CDKAL1: variants seen among roughly 807,000 people sequenced by gnomAD.
CDKAL1 encodes threonylcarbamoyladenosine tRNA methylthiotransferase.
A neutral mutation model predicts 68.2 loss-of-function variants in CDKAL1; 32 were observed. The observed-to-expected ratio is 0.47, with a 90% CI of 0.35 to 0.63. The LOEUF (loss-of-function observed/expected upper bound fraction) is 0.63, where lower values mean the gene tolerates loss of function less well. Among genes scored for constraint, CDKAL1 ranks in the 30% least tolerant of loss-of-function variants. The probability of loss-of-function intolerance (pLI) is 0.00; values close to 1 mark genes in which losing one functional copy is unlikely to be tolerated. For synonymous variants in CDKAL1, 234 were observed against 244.3 expected (o/e 0.96, Z 0.39); for missense variants, 606 against 696.7 (o/e 0.87, Z 1.47).
intron 9 of CDKAL1, among the ~76,000 whole-genome samples, chr6:20,924,992 G>A (rs951219677): frequency 1.3e-4 from 20 of 152,202 alleles, no homozygotes; most frequent in Admixed American, 5.2e-4. Context: ...TTGAAAAGCA[G>A]TTCTGTTGTG....
chr6:21,145,859 C>A (rs1776141503), intron 13 of CDKAL1, among the ~76,000 whole-genome samples: 1 of 152,170 alleles, frequency 6.6e-6, no homozygotes, highest in Non-Finnish European at 1.5e-5. Context: ...ATGATCACGC[C>A]ACTGCATTCA....
At chr6:20,802,262 C>A (rs1000208374) in intron 8 of CDKAL1, among the ~76,000 whole-genome samples, 4 of 151,470 alleles carry the variant, frequency 2.6e-5, no homozygotes, top group Admixed American at 1.3e-4. Context: ...TGCGCCGCTG[C>A]ACTCCAGCCT....
At position 21,058,157 on chromosome 6, in the gene CDKAL1, G is replaced by A. The variant is rs958897576; in HGVS notation, c.1056-6891G>A. Among the ~76,000 whole-genome samples, 4 of 152,160 alleles carry A rather than the reference G, an allele frequency of 2.6e-5. No homozygotes were observed. In the South Asian group the frequency reaches 6.2e-4, roughly 24 times the overall value. Reference sequence around the variant, plus strand: ...ATTGGGTGGGAGTCTAAGTCTCTTTGTAGGTCTCTAAGAACTTGTTTTATG... The same window carrying A: ...ATTGGGTGGGAGTCTAAGTCTCTTTATAGGTCTCTAAGAACTTGTTTTATG... On this transcript the variant is annotated intron_variant, in intron 11 of 15. Coordinates refer to ENST00000274695, the MANE Select transcript of CDKAL1 (RefSeq NM_017774.3).
chr6:20,578,148 T>C (rs896191823), intron 4 of CDKAL1, among the ~76,000 whole-genome samples: 3 of 152,218 alleles, frequency 2.0e-5, no homozygotes, highest in East Asian at 1.9e-4. Context: ...AAAAAATCGA[T>C]ACTGATGCAT....
intron 11 of CDKAL1, among the ~76,000 whole-genome samples, chr6:21,028,320 T>G (rs1230127733): frequency 6.6e-6 from 1 of 152,192 alleles, no homozygotes; most frequent in Non-Finnish European, 1.5e-5. Context: ...CTTGACAACA[T>G]TCAGCTAGTG....
At chr6:20,664,240 G>T (rs1769422622) in intron 5 of CDKAL1, among the ~76,000 whole-genome samples, 1 of 152,122 alleles carries the variant, frequency 6.6e-6, no homozygotes, top group African/African-American at 2.4e-5. Context: ...GTGCATGTGT[G>T]CTCGCACGCT....
chr6:21,009,359 C>T (rs1037605092), intron 11 of CDKAL1, among the ~76,000 whole-genome samples: 1 of 152,176 alleles, frequency 6.6e-6, no homozygotes, highest in Non-Finnish European at 1.5e-5. Context: ...ATGCCATCTC[C>T]TGGACATTTA....
At chr6:20,761,098 G>T (rs925206811) in intron 7 of CDKAL1, among the ~76,000 whole-genome samples, 1 of 152,120 alleles carries the variant, frequency 6.6e-6, no homozygotes, top group South Asian at 2.1e-4. Context: ...ATGGGCAAAA[G>T]ACCTGAACAG....
intron 11 of CDKAL1, among the ~76,000 whole-genome samples, chr6:21,049,540 AT>A (rs1165030896): frequency 6.6e-6 from 1 of 152,206 alleles, no homozygotes; most frequent in Middle Eastern, 3.2e-3. Flanking sequence ...CTATAACAAT[AT>A]TATCCAGTAT....
chr6:20,820,508 C>A (rs972791995), intron 8 of CDKAL1, among the ~76,000 whole-genome samples: 1 of 152,116 alleles, frequency 6.6e-6, no homozygotes, highest in Non-Finnish European at 1.5e-5. Context: ...GGTTGGAATT[C>A]TTATCCACCA....
intron 4 of CDKAL1, among the ~76,000 whole-genome samples, chr6:20,636,961 C>T (rs1342900986): frequency 1.3e-5 from 2 of 150,332 alleles, no homozygotes; most frequent in Non-Finnish European, 3.0e-5. Context: ...TGCTTGAACC[C>T]GGGAAGCAGA....
intron 10 of CDKAL1, among the ~76,000 whole-genome samples, chr6:20,994,208 G>A (rs1766986296): frequency 6.6e-6 from 1 of 152,246 alleles, no homozygotes; most frequent in Non-Finnish European, 1.5e-5. Context: ...GCTGGGAGCA[G>A]TAGCTCATGC....
At chr6:20,814,075 T>A (rs1776937301) in intron 8 of CDKAL1, among the ~76,000 whole-genome samples, 1 of 152,074 alleles carries the variant, frequency 6.6e-6, no homozygotes, top group Non-Finnish European at 1.5e-5. Flanking sequence ...ATATCTCTAT[T>A]TCATTTAGGT....
intron 4 of CDKAL1, among the ~76,000 whole-genome samples, chr6:20,610,499 CT>C (rs11452882): frequency 3.4e-5 from 5 of 148,362 alleles, no homozygotes; most frequent in Non-Finnish European, 4.5e-5. Context: ...GTTTTTTTTT[CT>C]TTTTTTTTGA....
At chr6:20,933,468 A>C (rs1016772406) in intron 9 of CDKAL1, among the ~76,000 whole-genome samples, 4 of 152,282 alleles carry the variant, frequency 2.6e-5, no homozygotes, top group Non-Finnish European at 4.4e-5. Flanking sequence ...TGCCTCTGCA[A>C]CTGCAACTTT....
intron 8 of CDKAL1, among the ~76,000 whole-genome samples, chr6:20,784,161 T>C (rs4712548): frequency 0.96 from 144,709 of 150,932 alleles, 69,386 homozygotes; most frequent in East Asian, 1. Context: ...TGCAGTGAGC[T>C]GAGATCGTGC....
intron 13 of CDKAL1, among the ~76,000 whole-genome samples, chr6:21,137,489 C>T (rs972322362): frequency 6.6e-6 from 1 of 152,126 alleles, no homozygotes; most frequent in Non-Finnish European, 1.5e-5. Context: ...TGAAAAAGCC[C>T]TGAAACAATG....
chr6:21,163,888 C>CT (rs1347902976), intron 13 of CDKAL1, among the ~76,000 whole-genome samples: 76 of 152,032 alleles, frequency 5.0e-4, no homozygotes, highest in African/African-American at 1.8e-3. Context: ...GAGACGGAGG[C>CT]TGCAGTAAGC....
At chr6:20,732,270 T>TC (rs113196181) in intron 5 of CDKAL1, among the ~76,000 whole-genome samples, 383 of 115,002 alleles carry the variant, frequency 3.3e-3, no homozygotes, top group African/African-American at 0.011. Context: ...TTTCTTTTTT[T>TC]TTTTTTTTTT....
Sources: gnomAD v4.1 joint callset for allele counts (sites outside exome capture counted in the v4.1 genomes callset) on GRCh38, gnomAD v4.1.1 for gene constraint, MANE v1.5 for transcripts, NCBI Gene and HGNC (gene_info 2026-07-23, HGNC 2026-07-21) for gene names.